The following HMBOX1 variants were observed in gnomAD, a reference collection of about 807,000 sequenced individuals.
HMBOX1 encodes homeobox containing 1.
In HMBOX1, 14 loss-of-function variants were observed where a neutral mutation model predicts 54.5. The observed-to-expected ratio is 0.26, with a 90% CI of 0.17 to 0.40. The LOEUF (loss-of-function observed/expected upper bound fraction) is 0.40, where lower values mean the gene tolerates loss of function less well. Among genes scored for constraint, HMBOX1 ranks in the 10% least tolerant of loss-of-function variants. The pLI is 1.00. For synonymous variants in HMBOX1, 160 were observed against 181.0 expected, an observed-to-expected ratio of 0.88 and a Z score of 0.93; for missense variants, 332 against 514.4, an observed-to-expected ratio of 0.65 and a Z score of 3.43.
intron 1 of HMBOX1, among the ~76,000 whole-genome samples, chr8:28,894,151 G>A (rs1811581301): frequency 6.6e-6 from 1 of 152,178 alleles, no homozygotes; most frequent in Non-Finnish European, 1.5e-5. Flanking sequence ...TCTTTGGCTA[G>A]ATTTTTCTGT....
At chr8:28,900,949 A>T (rs1813134239) in intron 1 of HMBOX1, among the ~76,000 whole-genome samples, 1 of 152,044 alleles carries the variant, frequency 6.6e-6, no homozygotes, top group South Asian at 2.1e-4. Flanking sequence ...TGAACTTTGG[A>T]GCCATATTGT....
chr8:29,044,261 G>A (rs1403907317), intron 6 of HMBOX1, among the ~76,000 whole-genome samples: 2 of 152,164 alleles, frequency 1.3e-5, no homozygotes, highest in Non-Finnish European at 2.9e-5. Context: ...GGATTACAGG[G>A]AAAGGGAAAC....
rs748209845 is a variant in HMBOX1, at chr8:29,049,719, G to A, written c.1125+671G>A. 14 of 227,552 alleles carry A rather than the reference G, an allele frequency of 6.2e-5. No homozygotes were observed. In the South Asian group the frequency reaches 1.9e-3, roughly 31 times the overall value. The allele number at this position is 227,552 out of a possible 1,614,324, so 14.1% of individuals were successfully genotyped here. Reference sequence around the variant, plus strand: ...ACTAAGACTGTGGGAGTCCCTCCTCGACCCCCACATAGATGTTGACAGATT... The same window carrying A: ...ACTAAGACTGTGGGAGTCCCTCCTCAACCCCCACATAGATGTTGACAGATT... On this transcript the variant is annotated intron_variant, in intron 9 of 9. Transcript: ENST00000287701.
chr8:29,019,892 C>T (rs1800901084), intron 6 of HMBOX1, among the ~76,000 whole-genome samples: 1 of 152,152 alleles, frequency 6.6e-6, no homozygotes, highest in Admixed American at 6.5e-5. Context: ...TGTTTTTGTT[C>T]ATGTGATATA....
intron 4 of HMBOX1, among the ~76,000 whole-genome samples, chr8:29,003,869 ATCT>A (rs1318704078): frequency 3.3e-5 from 5 of 152,220 alleles, no homozygotes; most frequent in Non-Finnish European, 7.4e-5. Flanking sequence ...TTGTGAAATG[ATCT>A]TCTAATTAAA....
chr8:28,944,036 C>T (rs565416413), intron 1 of HMBOX1, among the ~76,000 whole-genome samples: 5 of 152,272 alleles, frequency 3.3e-5, no homozygotes, highest in Admixed American at 1.3e-4. Flanking sequence ...GTTTCTCTAG[C>T]GCTGACTTTC....
At chr8:28,900,155 A>G (rs1585641989) in intron 1 of HMBOX1, among the ~76,000 whole-genome samples, 1 of 150,416 alleles carries the variant, frequency 6.6e-6, no homozygotes, top group South Asian at 2.1e-4. Context: ...AGGCTAAGGC[A>G]GGAGAATTGC....
At chr8:28,904,708 GCT>G (rs1813931029) in intron 1 of HMBOX1, among the ~76,000 whole-genome samples, 2 of 144,530 alleles carry the variant, frequency 1.4e-5, no homozygotes, top group African/African-American at 5.2e-5. Flanking sequence ...ATGGAGTCTC[GCT>G]CTGTCACCCA....
chr8:29,047,740 T>C (rs1027945523), intron 8 of HMBOX1, among the ~76,000 whole-genome samples: 1 of 151,994 alleles, frequency 6.6e-6, no homozygotes, highest in Non-Finnish European at 1.5e-5. Flanking sequence ...GCTAATTTTG[T>C]ATTTTTAGTA....
intron 6 of HMBOX1, among the ~76,000 whole-genome samples, chr8:29,021,612 T>C (rs1801171885): frequency 6.6e-6 from 1 of 151,882 alleles, no homozygotes; most frequent in African/African-American, 2.4e-5. Context: ...TCCCAGCACT[T>C]TGGGAGGCCG....
intron 1 of HMBOX1, among the ~76,000 whole-genome samples, chr8:28,957,657 C>G (rs143779237): frequency 0.031 from 4,770 of 152,320 alleles, 266 homozygotes; most frequent in African/African-American, 0.11. Flanking sequence ...GCGTCTTGCT[C>G]TGCCGCCCAG....
At position 29,018,849 on chromosome 8, in the gene HMBOX1, A is replaced by G; in HGVS notation, c.787A>G (p.Thr263Ala). The G allele has an allele frequency of 6.2e-7, 1 of 1,614,186 alleles. No individual in the cohort carries two copies. Among genetic ancestry groups the G allele is most frequent in the Non-Finnish European group, 8.5e-7 (1 of 1,179,986 alleles). Residue 263 changes from threonine (T) to alanine (A), a missense_variant, in exon 6 of 10, where the codon ACT becomes GCT. Thr to Ala is a moderately conservative substitution (Grantham distance 58, BLOSUM62 0). Transcript: ENST00000287701. Reference sequence around the variant, plus strand: ...TCCCCCAGTCTCTGCCACATCTGGTACTTTCCGACTGCGACGAGGGAGTCG... The same window carrying G: ...TCCCCCAGTCTCTGCCACATCTGGTGCTTTCCGACTGCGACGAGGGAGTCG... ...TPPPVSATSG[T>A]FRLRRGSRFT...
intron 4 of HMBOX1, among the ~76,000 whole-genome samples, chr8:29,001,145 AAATGGAGAC>A (rs1286156747): frequency 6.6e-6 from 1 of 152,232 alleles, no homozygotes. Flanking sequence ...CAAAGTATGA[AAATGGAGAC>A]AAACATACAA....
chr8:28,916,368 C>T (rs773950722), intron 1 of HMBOX1, among the ~76,000 whole-genome samples: 3 of 152,142 alleles, frequency 2.0e-5, no homozygotes, highest in Non-Finnish European at 4.4e-5. Flanking sequence ...GGATATAACC[C>T]AGGATCACAA....
At chr8:29,031,634 T>C (rs1802981172) in intron 6 of HMBOX1, among the ~76,000 whole-genome samples, 2 of 152,074 alleles carry the variant, frequency 1.3e-5, no homozygotes. Flanking sequence ...CTATGTGTCC[T>C]TATGGAAATT....
At chr8:29,032,492 G>C (rs1431099781) in intron 6 of HMBOX1, among the ~76,000 whole-genome samples, 1 of 149,950 alleles carries the variant, frequency 6.7e-6, no homozygotes, top group Non-Finnish European at 1.5e-5. Flanking sequence ...CTGCTGATTT[G>C]TGTTACACAG....
At chr8:28,907,223 A>G (rs975369559) in intron 1 of HMBOX1, among the ~76,000 whole-genome samples, 5 of 152,186 alleles carry the variant, frequency 3.3e-5, no homozygotes, top group Admixed American at 3.3e-4. Context: ...ACAAACTGTA[A>G]TGTATATTTC....
At chr8:28,962,554 CATACTGTGTTA>C (rs1218095117) in intron 1 of HMBOX1, among the ~76,000 whole-genome samples, 4 of 152,180 alleles carry the variant, frequency 2.6e-5, no homozygotes, top group African/African-American at 9.7e-5. Context: ...ACTCCTCACA[CATACTGTGTTA>C]AAGGCCAGCA....
intron 4 of HMBOX1, among the ~76,000 whole-genome samples, chr8:29,008,724 G>C (rs1833814533): frequency 6.6e-6 from 1 of 152,172 alleles, no homozygotes; most frequent in Non-Finnish European, 1.5e-5. Flanking sequence ...GGAGTGGAAA[G>C]CAGTGGTAAT....
Sources: allele counts gnomAD v4.1 joint callset (sites outside exome capture counted in the v4.1 genomes callset), GRCh38; gene constraint gnomAD v4.1.1; transcripts MANE v1.5; gene names NCBI Gene and HGNC (gene_info 2026-07-23, HGNC 2026-07-21).